JAKMIP1: variants seen among roughly 807,000 people sequenced by gnomAD.
JAKMIP1 encodes janus kinase and microtubule-interacting protein 1.
Under a neutral mutation model 113.0 loss-of-function variants are expected in JAKMIP1, and 33 were observed. That is an observed-to-expected ratio of 0.29 (90% CI 0.22 to 0.39). The LOEUF (loss-of-function observed/expected upper bound fraction) is 0.39. Among genes scored for constraint, JAKMIP1 ranks in the 10% least tolerant of loss-of-function variants. The pLI is 1.00. For synonymous variants in JAKMIP1, 480 were observed against 459.9 expected (o/e 1.04, Z -0.56); for missense variants, 813 against 1,080.5 (o/e 0.75, Z 3.47).
rs1371087509 is a variant in JAKMIP1, at chr4:6,051,212, CTTTT to C, written c.1807-537_1807-534del. 2.1e-5 allele frequency among the ~76,000 whole-genome samples: 3 copies of C among 144,990 alleles called. No homozygotes were observed. The highest frequency in any genetic ancestry group is 1.3e-4 in the Admixed American group (2 of 14,838). On this transcript the variant is annotated intron_variant, in intron 13 of 20. Transcript: ENST00000409021. This position sits in a 1 kb window ranked among gnomAD's most constrained non-coding sequence, Gnocchi z 5.0. ...AGGACCCCAAAGGCTGACTTTCTTT[CTTTT>C]TCTTTCCTTTTTTTTTTTTTTTTGA...
rs986344916 is a variant in JAKMIP1, at chr4:6,050,786, G to A, written c.1807-107C>T. The A allele has an allele frequency of 9.1e-6, 8 of 882,834 alleles. No individual in the cohort carries two copies. The highest frequency in any genetic ancestry group is 1.4e-5 in the Non-Finnish European group (8 of 562,672). 54.7% of individuals were successfully genotyped at this position (882,834 alleles called of 1,614,324 possible). ...CCAAGGAATTCCAGTGGGCACAGAC[G>A]TTACTAAAAAGCACGAGTTCGGACT... On this transcript the variant is annotated intron_variant, in intron 13 of 20. Transcript: ENST00000409021. The surrounding 1 kb of genome is among the most constrained non-coding windows in gnomAD (Gnocchi z 7.4).
chr4:6,048,714 G>A (rs891574792), intron 16 of JAKMIP1, 143 bp downstream of exon 16: 5 of 641,310 alleles, frequency 7.8e-6, no homozygotes, highest in Admixed American at 2.8e-5. Context: ...TGAAGAGAAC[G>A]GAAAGGCATG....
At chr4:6,070,789 A>T (rs1718848382) in intron 8 of JAKMIP1, among the ~76,000 whole-genome samples, 1 of 152,208 alleles carries the variant, frequency 6.6e-6, no homozygotes, top group Non-Finnish European at 1.5e-5. Context: ...TCAATTTGTC[A>T]GCGTTTTACC....
In JAKMIP1 at chr4:6,080,455, T is replaced by C. The variant is rs6819729; in HGVS notation, c.1102-143A>G. The stretch of plus-strand genomic sequence containing the variant: ...AGATGATGGCCTGATATGGTTTGGC[T>C]GTGTCCCCACCCAAATCTCATCTTG... On this transcript the variant is annotated intron_variant, in intron 6 of 20. Coordinates refer to ENST00000409021, the MANE Select transcript of JAKMIP1 (RefSeq NM_001099433.2). The surrounding 1 kb of genome is among the most constrained non-coding windows in gnomAD (Gnocchi z 6.0). The C allele has an allele frequency of 3.9e-3, 3,983 of 1,019,594 alleles. 110 individuals carry two copies. The African/African-American group carries it at 0.053, about 14-fold the overall frequency. The allele number at this position is 1,019,594 out of a possible 1,614,324, so 63.2% of individuals were successfully genotyped here.
At chr4:6,166,906 T>A (rs1314387831) in intron 1 of JAKMIP1, among the ~76,000 whole-genome samples, 1 of 151,838 alleles carries the variant, frequency 6.6e-6, no homozygotes, top group Non-Finnish European at 1.5e-5. Context: ...CCCACTCACC[T>A]CTTCACCCCC....
At chr4:6,134,872 G>A (rs568291052) in intron 1 of JAKMIP1, among the ~76,000 whole-genome samples, 3 of 152,324 alleles carry the variant, frequency 2.0e-5, no homozygotes, top group South Asian at 2.1e-4. Context: ...GGAGGGTGGC[G>A]CATGCATAAA....
In JAKMIP1 at chr4:6,059,591, G is replaced by A. The variant is rs1451310082; in HGVS notation, c.1644+833C>T. Among the ~76,000 whole-genome samples, 3 of 152,022 alleles carry A rather than the reference G, an allele frequency of 2.0e-5. No individual in the cohort carries two copies. Among genetic ancestry groups the A allele is most frequent in the African/African-American group, 7.2e-5 (3 of 41,380 alleles). ...ACCCTCACTGTTAGTGGGGCCACGT[G>A]ACTGATGAATTTTGCTGAGGCAGCA... On this transcript the variant is annotated intron_variant, in intron 11 of 20. Coordinates refer to ENST00000409021, the MANE Select transcript of JAKMIP1 (RefSeq NM_001099433.2). This position sits in a 1 kb window ranked among gnomAD's most constrained non-coding sequence, Gnocchi z 4.8.
In JAKMIP1 at chr4:6,040,784, G is replaced by T; in HGVS notation, c.2098-68C>A. On this transcript the variant is annotated intron_variant, in intron 17 of 20. Transcript: ENST00000409021. The surrounding 1 kb of genome is among the most constrained non-coding windows in gnomAD (Gnocchi z 5.8). The stretch of plus-strand genomic sequence containing the variant: ...GGAATCCATGACAGCTTCAGAGCCC[G>T]TTTGCTAGAGAGTGGCAGTCTCACC... 1 of 1,264,664 alleles carries T rather than the reference G, an allele frequency of 7.9e-7. No homozygotes were observed. Among genetic ancestry groups the T allele is most frequent in the Non-Finnish European group, 1.1e-6 (1 of 875,208 alleles). The allele number at this position is 1,264,664 out of a possible 1,614,324, so 78.3% of individuals were successfully genotyped here. A position where few individuals can be genotyped will look rare whatever the true frequency, so the allele number is the denominator to read the frequency against.
At position 6,176,075 on chromosome 4, in the gene JAKMIP1, T is replaced by G. The variant is rs1317039420; in HGVS notation, c.-148+24178A>C. On this transcript the variant is annotated intron_variant, in intron 1 of 20. Transcript: ENST00000409021. This position sits in a 1 kb window ranked among gnomAD's most constrained non-coding sequence, Gnocchi z 5.5. ...CCAGATACTTCCCAGGCATTAAAGA[T>G]ACAGAGATGAACATGGTGTAATGCT... is the stretch of plus-strand genomic sequence containing the variant. Among the ~76,000 whole-genome samples, 1 of 152,210 alleles carries G rather than the reference T, an allele frequency of 6.6e-6. No homozygotes were observed. The highest frequency in any genetic ancestry group is 1.5e-5 in the Non-Finnish European group (1 of 68,042).
chr4:6,085,061 G>C, intron 4 of JAKMIP1, 96 bp from the exon 5 acceptor site: 1 of 1,397,316 alleles, frequency 7.2e-7, no homozygotes, highest in Admixed American at 2.4e-5. Context: ...ATGACATAAT[G>C]GGTGAGATCC....
intron 1 of JAKMIP1, among the ~76,000 whole-genome samples, chr4:6,163,523 C>T (rs1723214420): frequency 6.6e-6 from 1 of 152,220 alleles, no homozygotes; most frequent in South Asian, 2.1e-4. Flanking sequence ...TTCCCTGAGA[C>T]ACAACAATGC....
In JAKMIP1 at chr4:6,105,405, G is replaced by A. The variant is rs1032271817; in HGVS notation, c.624+68C>T. 4.2e-6 allele frequency: 6 copies of A among 1,445,592 alleles called. No individual in the cohort carries two copies. In the African/African-American group the frequency reaches 5.6e-5, roughly 13 times the overall value. 89.5% of individuals were successfully genotyped at this position (1,445,592 alleles called of 1,614,324 possible). On this transcript the variant is annotated intron_variant, in intron 3 of 20. Coordinates refer to ENST00000409021, the MANE Select transcript of JAKMIP1 (RefSeq NM_001099433.2). The stretch of plus-strand genomic sequence containing the variant: ...GAGCACAGCAGGTCCTCGGAGCTCC[G>A]CATTTCCCCCATGCGTGCAGGGAGG...
intron 1 of JAKMIP1, among the ~76,000 whole-genome samples, chr4:6,127,324 G>T (rs1717837716): frequency 6.6e-6 from 1 of 152,198 alleles, no homozygotes; most frequent in Non-Finnish European, 1.5e-5. Flanking sequence ...GGAGCCACAA[G>T]CATGGCACAC....
At chr4:6,055,099 G>A (rs1211792532) in intron 12 of JAKMIP1, among the ~76,000 whole-genome samples, 3 of 152,148 alleles carry the variant, frequency 2.0e-5, no homozygotes, top group Admixed American at 6.5e-5. Context: ...TTGGGGGCTG[G>A]GCCAAGGACC....
In JAKMIP1 at chr4:6,197,378, G is replaced by A. The variant is rs547136957; in HGVS notation, c.-148+2875C>T. ...AGTTTGCTCTGTGACAAGGCTAAAT[G>A]AATAAATATTCTCATAGCTTCTTCA... On this transcript the variant is annotated intron_variant, in intron 1 of 20. Coordinates refer to ENST00000409021, the MANE Select transcript of JAKMIP1 (RefSeq NM_001099433.2). The surrounding 1 kb of genome is among the most constrained non-coding windows in gnomAD (Gnocchi z 6.5). Among the ~76,000 whole-genome samples, 2 of 152,138 alleles carry A rather than the reference G, an allele frequency of 1.3e-5. No homozygotes were observed. Among genetic ancestry groups the A allele is most frequent in the African/African-American group, 2.4e-5 (1 of 41,426 alleles).
rs1035336106 is a variant in JAKMIP1, at chr4:6,136,374, G to A, written c.-147-23377C>T. 1.3e-5 allele frequency among the ~76,000 whole-genome samples: 2 copies of A among 151,774 alleles called. No individual in the cohort carries two copies. Among genetic ancestry groups the A allele is most frequent in the African/African-American group, 2.4e-5 (1 of 41,288 alleles). On this transcript the variant is annotated intron_variant, in intron 1 of 20. Coordinates refer to ENST00000409021, the MANE Select transcript of JAKMIP1 (RefSeq NM_001099433.2). This position sits in a 1 kb window ranked among gnomAD's most constrained non-coding sequence, Gnocchi z 5.9. Reference sequence around the variant, plus strand: ...ATATTTAAGTACTTCTGACAAATCAGTACCCTAGTGATAATATCTCCCACT... The same window carrying A: ...ATATTTAAGTACTTCTGACAAATCAATACCCTAGTGATAATATCTCCCACT...
chr4:6,031,195 G>A lies in JAKMIP1; in HGVS notation c.2380-1414C>T, dbSNP rs1712600611. ...AGCCTGTAATCCCAGCACTTTTGGA[G>A]GCCGAGGCAGGTGGATCACCGGAGG... On this transcript the variant is annotated intron_variant, in intron 19 of 20. Transcript: ENST00000409021. The surrounding 1 kb of genome is among the most constrained non-coding windows in gnomAD (Gnocchi z 4.4). Among the ~76,000 whole-genome samples the A allele has an allele frequency of 6.6e-6, 1 of 152,178 alleles. No individual in the cohort carries two copies. The highest frequency in any genetic ancestry group is 1.5e-5 in the Non-Finnish European group (1 of 68,038).
Position 6,185,504 on chromosome 4 carries a change from C to T in JAKMIP1, c.-148+14749G>A, listed in dbSNP as rs192091432. Among the ~76,000 whole-genome samples the T allele has an allele frequency of 2.2e-4, 34 of 152,246 alleles. No individual in the cohort carries two copies. The highest frequency in any genetic ancestry group is 5.5e-4 in the African/African-American group (23 of 41,552). ...CTACTAAAAAATACAAAAAATTAGCCGGGCGTGGTGGCAGACGCCTGTAGT... is the reference window on the plus strand; with the variant it reads ...CTACTAAAAAATACAAAAAATTAGCTGGGCGTGGTGGCAGACGCCTGTAGT... On this transcript the variant is annotated intron_variant, in intron 1 of 20. Transcript: ENST00000409021. This position sits in a 1 kb window ranked among gnomAD's most constrained non-coding sequence, Gnocchi z 5.3.
rs1217356102 is a variant in JAKMIP1, at chr4:6,135,911, G to T, written c.-147-22914C>A. Among the ~76,000 whole-genome samples, 2 of 151,216 alleles carry T rather than the reference G, an allele frequency of 1.3e-5. No homozygotes were observed. The highest frequency in any genetic ancestry group is 2.0e-4 in the East Asian group (1 of 5,084). On this transcript the variant is annotated intron_variant, in intron 1 of 20. Coordinates refer to ENST00000409021, the MANE Select transcript of JAKMIP1 (RefSeq NM_001099433.2). This position sits in a 1 kb window ranked among gnomAD's most constrained non-coding sequence, Gnocchi z 4.9. ...TAAGAAATGGTGGGGGGAGAGGTGG[G>T]GGGGGACAGCAAAAATAAGGAGTGA...
Sources: allele counts gnomAD v4.1 joint callset (sites outside exome capture counted in the v4.1 genomes callset), GRCh38; gene constraint gnomAD v4.1.1; non-coding constraint Gnocchi (gnomAD v3.1); transcripts MANE v1.5; gene names NCBI Gene and HGNC (gene_info 2026-07-23, HGNC 2026-07-21).